CSMD2: variants seen among roughly 807,000 people sequenced by gnomAD.
The protein encoded by CSMD2 is CUB and sushi domain-containing protein 2.
Under a neutral mutation model 398.5 loss-of-function variants are expected in CSMD2, and 130 were observed. The ratio of observed to expected loss-of-function variants is 0.33; its 90% confidence interval spans 0.28 to 0.38. The LOEUF (loss-of-function observed/expected upper bound fraction) is 0.38. Among genes scored for constraint, CSMD2 ranks in the 10% least tolerant of loss-of-function variants. The pLI, the probability that CSMD2 is intolerant of heterozygous loss-of-function variation, is 1.00. For synonymous variants in CSMD2, 1,828 were observed against 1,908.5 expected, an observed-to-expected ratio of 0.96 and a Z score of 1.10; for missense variants, 3,829 against 4,764.9, an observed-to-expected ratio of 0.80 and a Z score of 5.78.
At chr1:34,005,004 G>T (rs1647014465) in intron 3 of CSMD2, among the ~76,000 whole-genome samples, 1 of 152,190 alleles carries the variant, frequency 6.6e-6, no homozygotes, top group Non-Finnish European at 1.5e-5. Context: ...CAATGGGCAT[G>T]GATGGCTCAG....
At chr1:33,930,740 T>C (rs1411258840) in intron 4 of CSMD2, among the ~76,000 whole-genome samples, 1 of 152,220 alleles carries the variant, frequency 6.6e-6, no homozygotes, top group Admixed American at 6.5e-5. Context: ...CCCAGGGACC[T>C]CTGCTTTTGA....
intron 53 of CSMD2, among the ~76,000 whole-genome samples, chr1:33,565,420 A>G (rs907884508): frequency 1.6e-4 from 24 of 152,138 alleles, no homozygotes; most frequent in African/African-American, 5.6e-4. Context: ...AAAATGAAGG[A>G]CACACAACCT....
intron 3 of CSMD2, among the ~76,000 whole-genome samples, chr1:33,985,126 T>C (rs1025640): frequency 0.022 from 3,354 of 152,248 alleles, 127 homozygotes; most frequent in African/African-American, 0.076. Flanking sequence ...ATGCCACAGC[T>C]TCAAGGCTTC....
chr1:33,790,802 TATCTATCTATC>T (rs1654190994), intron 11 of CSMD2, among the ~76,000 whole-genome samples: 1 of 13,572 alleles, frequency 7.4e-5, no homozygotes, highest in African/African-American at 2.8e-4. Context: ...ATCTCTCTAA[TATCTATCTATC>T]TATCTATCTA....
rs146695758 is a variant in CSMD2 at position 33,622,630 on chromosome 1, T to C, written c.5723-359A>G. Among the ~76,000 whole-genome samples, 653 of 152,342 alleles carry C rather than the reference T, an allele frequency of 4.3e-3. 6 individuals carry two copies. The highest frequency in any genetic ancestry group is 0.015 in the African/African-American group (621 of 41,576). ...GGACAGTTTATCTGAAGCATGTGAC[T>C]CCTCTTTATCTCTTGGCCACCTAGA... is the stretch of plus-strand genomic sequence containing the variant. On this transcript the variant is annotated intron_variant, in intron 36 of 70. Transcript: ENST00000373381.
At chr1:34,141,693 A>T (rs1480959099) in intron 1 of CSMD2, among the ~76,000 whole-genome samples, 1 of 66,490 alleles carries the variant, frequency 1.5e-5, no homozygotes, top group Non-Finnish European at 5.2e-5. Context: ...AGCACATGGA[A>T]AGGACCTTGA....
chr1:34,019,023 T>C (rs1195283424), intron 3 of CSMD2, among the ~76,000 whole-genome samples: 1 of 152,210 alleles, frequency 6.6e-6, no homozygotes, highest in Non-Finnish European at 1.5e-5. Context: ...AACCCACACT[T>C]TACCTCTTAC....
chr1:33,654,794 G>A (rs1280041600), intron 27 of CSMD2, among the ~76,000 whole-genome samples: 2 of 152,198 alleles, frequency 1.3e-5, no homozygotes, highest in Admixed American at 6.5e-5. Context: ...CCTCCATTCT[G>A]GTTCCCAGCC....
Position 33,624,971 on chromosome 1 carries a change from TG to T in CSMD2, c.5500+79del. 2 of 1,417,672 alleles carry T rather than the reference TG, an allele frequency of 1.4e-6. No individual in the cohort carries two copies. The highest frequency in any genetic ancestry group is 9.9e-7 in the Non-Finnish European group (1 of 1,008,872). The allele number at this position is 1,417,672 out of a possible 1,614,324, so 87.8% of individuals were successfully genotyped here. On this transcript the variant is annotated intron_variant, in intron 34 of 70. Transcript: ENST00000373381. The surrounding 1 kb of genome is among the most constrained non-coding windows in gnomAD (Gnocchi z 4.7). ...GCTGCTGTGTGTCGTGGGGCATCAC[TG>T]GGGCTGACTGCCTCCCCTACAGAGA...
At chr1:33,863,145 G>C (rs374202941) in intron 5 of CSMD2, 7 of 152,038 alleles carry the variant, frequency 4.6e-5, no homozygotes, top group African/African-American at 1.7e-4. Flanking sequence ...ATAAATTTGG[G>C]GCTATCATCA....
At chr1:33,941,947 T>G (rs1476560515) in intron 3 of CSMD2, among the ~76,000 whole-genome samples, 2 of 152,230 alleles carry the variant, frequency 1.3e-5, no homozygotes, top group African/African-American at 4.8e-5. Flanking sequence ...TGTTTATTGT[T>G]AGTCTCACCT....
rs371814513 is a variant in CSMD2 at position 33,533,677 on chromosome 1, G to A, written c.9991+119C>T. ...AAAGTGTAAGGACTACAAAGAGACC[G>A]ATGTCGGTTCGCATGGGGAGTTGTG... On this transcript the variant is annotated intron_variant, in intron 63 of 70. Coordinates refer to ENST00000373381, the MANE Select transcript of CSMD2 (RefSeq NM_001281956.2). The surrounding 1 kb of genome is among the most constrained non-coding windows in gnomAD (Gnocchi z 4.2). 2.5e-5 allele frequency: 17 copies of A among 673,050 alleles called. No individual in the cohort carries two copies. The highest frequency in any genetic ancestry group is 7.5e-5 in the Admixed American group (3 of 40,128). The allele number at this position is 673,050 out of a possible 1,614,324, so 41.7% of individuals were successfully genotyped here. A position where few individuals can be genotyped will look rare whatever the true frequency, so the allele number is the denominator to read the frequency against.
chr1:33,778,013 T>C (rs1180997323), intron 12 of CSMD2, among the ~76,000 whole-genome samples: 1 of 152,216 alleles, frequency 6.6e-6, no homozygotes, highest in Non-Finnish European at 1.5e-5. Flanking sequence ...GAGGCTTCAC[T>C]GGCTCCTTCA....
chr1:34,078,772 G>A (rs1445160429), intron 2 of CSMD2, among the ~76,000 whole-genome samples: 1 of 152,174 alleles, frequency 6.6e-6, no homozygotes, highest in African/African-American at 2.4e-5. Flanking sequence ...TGTCAGTGCA[G>A]CAAATATCCT....
chr1:33,986,799 C>A (rs552201), intron 3 of CSMD2, among the ~76,000 whole-genome samples: 1 of 152,112 alleles, frequency 6.6e-6, no homozygotes. Flanking sequence ...GGTAAACAGA[C>A]CTCTGTCAGC....
intron 6 of CSMD2, among the ~76,000 whole-genome samples, chr1:33,833,026 A>C (rs1479671520): frequency 6.7e-5 from 10 of 148,442 alleles, no homozygotes; most frequent in Non-Finnish European, 1.3e-4. Flanking sequence ...ACCAACCAAA[A>C]AGAGTCCAGG....
intron 4 of CSMD2, among the ~76,000 whole-genome samples, chr1:33,927,995 G>A (rs755812028): frequency 8.5e-5 from 13 of 152,220 alleles, no homozygotes; most frequent in Admixed American, 1.3e-4. Flanking sequence ...AGGGGAAACC[G>A]CAAGAGACTG....
chr1:33,923,241 T>C (rs1644011801), intron 4 of CSMD2, among the ~76,000 whole-genome samples: 1 of 152,122 alleles, frequency 6.6e-6, no homozygotes, highest in African/African-American at 2.4e-5. Flanking sequence ...GGGAGGTGTG[T>C]GGGTCATGGG....
intron 41 of CSMD2, among the ~76,000 whole-genome samples, chr1:33,608,405 C>A (rs1640775326): frequency 1.3e-5 from 2 of 152,110 alleles, no homozygotes; most frequent in Non-Finnish European, 2.9e-5. Flanking sequence ...CACTGCCATT[C>A]CTTATATTTA....
Sources: allele counts gnomAD v4.1 joint callset (sites outside exome capture counted in the v4.1 genomes callset), GRCh38; gene constraint gnomAD v4.1.1; non-coding constraint Gnocchi (gnomAD v3.1); transcripts MANE v1.5; gene names NCBI Gene and HGNC (gene_info 2026-07-23, HGNC 2026-07-21).